The following MACROD2 variants were observed in gnomAD, a reference collection of about 807,000 sequenced individuals.
MACROD2 encodes the protein mono-ADP ribosylhydrolase 2, also known as ADP-ribose glycohydrolase MACROD2.
Under a neutral mutation model 70.4 loss-of-function variants are expected in MACROD2, and 36 were observed. That is an observed-to-expected ratio of 0.51 (90% CI 0.39 to 0.68). The LOEUF (loss-of-function observed/expected upper bound fraction) is 0.68. Among genes scored for constraint, MACROD2 ranks in the 30% least tolerant of loss-of-function variants. The pLI, the probability that MACROD2 is intolerant of heterozygous loss-of-function variation, is 0.00. For missense variants in MACROD2, 496 were observed against 538.4 expected (o/e 0.92, Z 0.78); for synonymous variants, 172 against 178.8 (o/e 0.96, Z 0.30).
At chr20:14,209,822 A>T (rs1377488271) in intron 3 of MACROD2, among the ~76,000 whole-genome samples, 1 of 152,184 alleles carries the variant, frequency 6.6e-6, no homozygotes, top group Non-Finnish European at 1.5e-5. Flanking sequence ...ACTTAGTCGC[A>T]AGGGAGGCTT....
intron 12 of MACROD2, among the ~76,000 whole-genome samples, chr20:15,961,524 T>A (rs375816411): frequency 1.3e-5 from 2 of 152,304 alleles, no homozygotes; most frequent in African/African-American, 4.8e-5. Context: ...CATTTATGAA[T>A]CTGGAGAGAA....
chr20:15,081,011 C>G (rs2075699213), intron 5 of MACROD2, among the ~76,000 whole-genome samples: 1 of 152,036 alleles, frequency 6.6e-6, no homozygotes, highest in South Asian at 2.1e-4. Flanking sequence ...TTATCTACTC[C>G]ACTAGAACAT....
chr20:14,466,297 C>CAT (rs2084447586), intron 3 of MACROD2, among the ~76,000 whole-genome samples: 1 of 152,056 alleles, frequency 6.6e-6, no homozygotes, highest in Non-Finnish European at 1.5e-5. Flanking sequence ...TCTTCCATTG[C>CAT]TGATACCCTT....
At chr20:15,926,290 C>CT (rs1007351426) in intron 10 of MACROD2, among the ~76,000 whole-genome samples, 1 of 152,148 alleles carries the variant, frequency 6.6e-6, no homozygotes, top group Admixed American at 6.6e-5. Flanking sequence ...TAATCTACCT[C>CT]TTTTTTTCCT....
chr20:15,263,609 C>G (rs1307080527), intron 6 of MACROD2, among the ~76,000 whole-genome samples: 2 of 151,952 alleles, frequency 1.3e-5, no homozygotes, highest in African/African-American at 4.8e-5. Context: ...GAATCTGTAT[C>G]TCGCTTTGGG....
At chr20:15,912,172 A>G (rs1208084146) in intron 10 of MACROD2, among the ~76,000 whole-genome samples, 2 of 152,146 alleles carry the variant, frequency 1.3e-5, no homozygotes, top group African/African-American at 2.4e-5. Context: ...TGAAATTTGA[A>G]CTTCTGTTTA....
intron 5 of MACROD2, among the ~76,000 whole-genome samples, chr20:15,077,239 A>G (rs1414466355): frequency 1.3e-5 from 2 of 152,086 alleles, no homozygotes; most frequent in African/African-American, 4.8e-5. Flanking sequence ...CCACTTGGCC[A>G]CATTATTTTC....
At chr20:16,000,041 A>T (rs190374440) in intron 15 of MACROD2, among the ~76,000 whole-genome samples, 5 of 152,364 alleles carry the variant, frequency 3.3e-5, no homozygotes, top group Admixed American at 3.3e-4. Context: ...TATTACAGTT[A>T]TCGCACTCTG....
At chr20:15,897,769 TTAA>T (rs535165669) in intron 10 of MACROD2, among the ~76,000 whole-genome samples, 70 of 152,304 alleles carry the variant, frequency 4.6e-4, no homozygotes, top group African/African-American at 1.7e-3. Flanking sequence ...TAAAATACCT[TTAA>T]TAATCTGCAT....
intron 5 of MACROD2, among the ~76,000 whole-genome samples, chr20:15,134,845 GA>G (rs1006888547): frequency 7.7e-4 from 117 of 151,914 alleles, no homozygotes; most frequent in African/African-American, 2.8e-3. Flanking sequence ...AAAGAGAGAA[GA>G]ATCAAATAGA....
At chr20:15,293,150 T>C (rs2077556213) in intron 6 of MACROD2, among the ~76,000 whole-genome samples, 2 of 152,248 alleles carry the variant, frequency 1.3e-5, no homozygotes, top group South Asian at 2.1e-4. Context: ...AAGGGCTACA[T>C]AGAATAAGTC....
intron 10 of MACROD2, among the ~76,000 whole-genome samples, chr20:15,922,031 C>T (rs2065416697): frequency 6.6e-6 from 1 of 152,176 alleles, no homozygotes; most frequent in African/African-American, 2.4e-5. Flanking sequence ...TATTAACTCC[C>T]CAGCACCTCA....
Position 15,392,481 on chromosome 20 carries a change from C to CT in MACROD2, c.541-38916dup, listed in dbSNP as rs557894488. On this transcript the variant is annotated intron_variant, in intron 6 of 17. Transcript: ENST00000684519. ...ATATTCACGTTTCAAGGTTGTTAGA[C>CT]TTTTTTTTCCCAATTACTTCTGTTT... 2.4e-4 allele frequency among the ~76,000 whole-genome samples: 36 copies of CT among 152,032 alleles called. No individual in the cohort carries two copies. In the East Asian group the frequency reaches 6.6e-3, roughly 28 times the overall value.
chr20:16,021,042 C>T (rs995955312), intron 15 of MACROD2, among the ~76,000 whole-genome samples: 1 of 152,152 alleles, frequency 6.6e-6, no homozygotes, highest in Non-Finnish European at 1.5e-5. Flanking sequence ...CCAACTGAAT[C>T]AGTCCCCTGT....
At chr20:14,473,263 G>A (rs930452260) in intron 3 of MACROD2, among the ~76,000 whole-genome samples, 2 of 152,110 alleles carry the variant, frequency 1.3e-5, no homozygotes, top group African/African-American at 4.8e-5. Context: ...CTATCTAACT[G>A]TAACTTTATA....
rs1568997584 is a variant in MACROD2 at position 15,731,011 on chromosome 20, T to C, written c.646-131734T>C. 1.0e-4 allele frequency among the ~76,000 whole-genome samples: 6 copies of C among 58,772 alleles called. 2 individuals are homozygous for C. The South Asian group carries it at 3.2e-3, about 31-fold the overall frequency. 38.6% of individuals were successfully genotyped at this position (58,772 alleles called of 152,430 possible). A position where few individuals can be genotyped will look rare whatever the true frequency, so the allele number is the denominator to read the frequency against. On this transcript the variant is annotated intron_variant, in intron 8 of 17. Coordinates refer to ENST00000684519, the MANE Select transcript of MACROD2 (RefSeq NM_001351661.2). The stretch of plus-strand genomic sequence containing the variant: ...TTCTGAAACTCTTGAGGTGAGTTTT[T>C]CAGCTCTATCAGATCAGTTTGGTTG...
At chr20:14,420,673 T>C (rs1345200628) in intron 3 of MACROD2, among the ~76,000 whole-genome samples, 2 of 152,066 alleles carry the variant, frequency 1.3e-5, no homozygotes, top group African/African-American at 4.8e-5. Context: ...TATTCTGGGG[T>C]TTTTCTTTTT....
intron 7 of MACROD2, among the ~76,000 whole-genome samples, chr20:15,437,740 G>A (rs2046444667): frequency 6.6e-6 from 1 of 152,070 alleles, no homozygotes; most frequent in Admixed American, 6.6e-5. Context: ...TTATAAGTGA[G>A]AACATACACT....
chr20:15,918,491 T>C (rs1463305175), intron 10 of MACROD2, among the ~76,000 whole-genome samples: 1 of 152,174 alleles, frequency 6.6e-6, no homozygotes, highest in Non-Finnish European at 1.5e-5. Flanking sequence ...AATACCATTA[T>C]TTGGGGGTTT....
Sources: allele counts gnomAD v4.1 joint callset (sites outside exome capture counted in the v4.1 genomes callset), GRCh38; gene constraint gnomAD v4.1.1; transcripts MANE v1.5; gene names NCBI Gene and HGNC (gene_info 2026-07-23, HGNC 2026-07-21).